SLC38A1: variants seen among roughly 807,000 people sequenced by gnomAD.
The protein encoded by SLC38A1 is solute carrier family 38 member 1, also known as sodium-coupled neutral amino acid symporter 1.
A neutral mutation model predicts 60.3 loss-of-function variants in SLC38A1; 18 were observed. The observed-to-expected ratio is 0.30, with a 90% CI of 0.21 to 0.44. SLC38A1 has a LOEUF of 0.44. Ranked by LOEUF, SLC38A1 falls within the 20% of genes least tolerant of loss-of-function variation. The pLI is 1.00. For synonymous variants in SLC38A1, 196 were observed against 212.1 expected (o/e 0.92, Z 0.66); for missense variants, 448 against 587.2 (o/e 0.76, Z 2.45).
intron 3 of SLC38A1, among the ~76,000 whole-genome samples, chr12:46,235,075 A>AATGGGTG (rs771955705): frequency 1.2e-4 from 19 of 152,340 alleles, no homozygotes; most frequent in Admixed American, 2.6e-4. Context: ...CAAACTCCAC[A>AATGGGTG]ATGGGTGATT....
chr12:46,215,117 C>G (rs1254966353), intron 5 of SLC38A1, among the ~76,000 whole-genome samples: 1 of 152,196 alleles, frequency 6.6e-6, no homozygotes, highest in African/African-American at 2.4e-5. Flanking sequence ...ACTGACCTCC[C>G]TGGAAGCAGC....
chr12:46,239,751 G>T lies in SLC38A1; in HGVS notation c.50C>A (p.Thr17Lys). 6.2e-7 allele frequency: 1 copy of T among 1,613,340 alleles called. No homozygotes were observed. Among genetic ancestry groups the T allele is most frequent in the Non-Finnish European group, 8.5e-7 (1 of 1,179,858 alleles). ...GLELTELQNM[T>K]VPEDDNISND... ...GCTAATGTTATCATCCTCGGGCACT[G>T]TCATGTTTTGCAACTCAGTTAATTC... Residue 17 changes from threonine (T) to lysine (K), a missense_variant, in exon 3 of 17, where the codon ACA (threonine) becomes AAA (lysine). This residue lies in a region of SLC38A1 where 102 missense variants were observed against 89.7 expected (regional missense o/e 1.14). Transcript: ENST00000398637.
At chr12:46,224,086 G>C (rs1940770588) in intron 5 of SLC38A1, among the ~76,000 whole-genome samples, 1 of 152,182 alleles carries the variant, frequency 6.6e-6, no homozygotes, top group Non-Finnish European at 1.5e-5. Flanking sequence ...TTATGGGTAA[G>C]ACTCAGATAA....
intron 1 of SLC38A1, chr12:46,267,254 T>C (rs543879803): frequency 2.8e-4 from 43 of 152,370 alleles, no homozygotes; most frequent in African/African-American, 1.0e-3. Flanking sequence ...CTTTTTTCAC[T>C]TTTGCTACAC....
chr12:46,231,496 T>C (rs1941076009), intron 3 of SLC38A1, among the ~76,000 whole-genome samples: 1 of 152,212 alleles, frequency 6.6e-6, no homozygotes, highest in South Asian at 2.1e-4. Context: ...TAGTAAGATA[T>C]GTTAAGGATG....
chr12:46,238,197 G>A (rs983903487), intron 3 of SLC38A1, among the ~76,000 whole-genome samples: 1 of 148,986 alleles, frequency 6.7e-6, no homozygotes, highest in African/African-American at 2.6e-5. Context: ...TTATTATTAA[G>A]AATTACTCAA....
chr12:46,246,596 G>A (rs1941628048), intron 1 of SLC38A1, among the ~76,000 whole-genome samples: 1 of 152,248 alleles, frequency 6.6e-6, no homozygotes, highest in Non-Finnish European at 1.5e-5. Flanking sequence ...CTGAAGAAAA[G>A]GCAGCAGAAA....
intron 1 of SLC38A1, among the ~76,000 whole-genome samples, chr12:46,262,981 T>C (rs1313764675): frequency 2.6e-5 from 4 of 152,206 alleles, no homozygotes; most frequent in Admixed American, 6.5e-5. Context: ...ACACTATTTC[T>C]TAATGAATCA....
At chr12:46,205,685 A>C (rs1939863890) in intron 9 of SLC38A1, among the ~76,000 whole-genome samples, 1 of 152,210 alleles carries the variant, frequency 6.6e-6, no homozygotes, top group South Asian at 2.1e-4. Context: ...TGTGGGTATA[A>C]ATCTAGGCAG....
Position 46,199,356 on chromosome 12 carries a change from T to C in SLC38A1, c.1004-613A>G, listed in dbSNP as rs940921206. Among the ~76,000 whole-genome samples the C allele has an allele frequency of 7.9e-5, 10 of 125,916 alleles. No homozygotes were observed. In the East Asian group the frequency reaches 2.1e-3, roughly 26 times the overall value. The allele number at this position is 125,916 out of a possible 152,430, so 82.6% of individuals were successfully genotyped here. On this transcript the variant is annotated intron_variant, in intron 13 of 16. Coordinates refer to ENST00000398637, the MANE Select transcript of SLC38A1 (RefSeq NM_030674.4). ...GTGTGTGTGTGTGTGTGTGTGTGTGTGTGTTGAGACAGGGTTTTGCTCTAT... is the reference window on the plus strand; with the variant it reads ...GTGTGTGTGTGTGTGTGTGTGTGTGCGTGTTGAGACAGGGTTTTGCTCTAT...
At chr12:46,231,978 A>T (rs899883867) in intron 3 of SLC38A1, among the ~76,000 whole-genome samples, 3 of 152,222 alleles carry the variant, frequency 2.0e-5, no homozygotes, top group African/African-American at 7.2e-5. Flanking sequence ...AAACATATGT[A>T]TCATTGATGT....
intron 1 of SLC38A1, among the ~76,000 whole-genome samples, chr12:46,258,070 A>G (rs1942087828): frequency 6.6e-6 from 1 of 152,198 alleles, no homozygotes; most frequent in Non-Finnish European, 1.5e-5. Flanking sequence ...TTGCCATGGC[A>G]TTTGTAAGCT....
chr12:46,248,654 C>T (rs1177070195), intron 1 of SLC38A1, among the ~76,000 whole-genome samples: 1 of 152,202 alleles, frequency 6.6e-6, no homozygotes, highest in Non-Finnish European at 1.5e-5. Flanking sequence ...TTGAACTCAT[C>T]TTTGCACCAA....
intron 3 of SLC38A1, among the ~76,000 whole-genome samples, chr12:46,234,050 C>G (rs1478213312): frequency 6.6e-6 from 1 of 152,236 alleles, no homozygotes; most frequent in African/African-American, 2.4e-5. Flanking sequence ...GGTCCTCTTT[C>G]TTCCTCTCAG....
At chr12:46,242,494 G>A (rs973126371) in intron 2 of SLC38A1, among the ~76,000 whole-genome samples, 1 of 152,058 alleles carries the variant, frequency 6.6e-6, no homozygotes, top group African/African-American at 2.4e-5. Flanking sequence ...TACAATGGCT[G>A]GGCATGGTGG....
intron 16 of SLC38A1, chr12:46,195,920 C>T (rs866931830): frequency 1.7e-4 from 69 of 411,128 alleles, no homozygotes; most frequent in East Asian, 3.0e-4. Flanking sequence ...GGTGAGGTGA[C>T]GCCCCACCTT....
rs544032791 is a variant in SLC38A1, at chr12:46,189,212, T to C, written c.1363-141A>G. The C allele has an allele frequency of 3.5e-4, 211 of 594,638 alleles. 2 individuals carry two copies. In the South Asian group the frequency reaches 4.7e-3, roughly 13 times the overall value. The allele number at this position is 594,638 out of a possible 1,614,324, so 36.8% of individuals were successfully genotyped here. A position where few individuals can be genotyped will look rare whatever the true frequency, so the allele number is the denominator to read the frequency against. On this transcript the variant is annotated intron_variant, in intron 16 of 16. Coordinates refer to ENST00000398637, the MANE Select transcript of SLC38A1 (RefSeq NM_030674.4). The stretch of plus-strand genomic sequence containing the variant: ...GTTTGTCACAACCATGGCTGAACTG[T>C]GAGAATCTTTCTAAAATTTTATGAA...
chr12:46,220,269 T>C (rs1940605435), intron 5 of SLC38A1, among the ~76,000 whole-genome samples: 1 of 152,250 alleles, frequency 6.6e-6, no homozygotes, highest in African/African-American at 2.4e-5. Flanking sequence ...CAAGCCTGAA[T>C]GTGCCATTTC....
At chr12:46,234,247 AT>A (rs918521451) in intron 3 of SLC38A1, among the ~76,000 whole-genome samples, 3 of 152,206 alleles carry the variant, frequency 2.0e-5, no homozygotes, top group African/African-American at 7.2e-5. Flanking sequence ...CTAACCACAC[AT>A]TAGCAACTCA....
Sources: allele counts gnomAD v4.1 joint callset (sites outside exome capture counted in the v4.1 genomes callset), GRCh38; gene constraint gnomAD v4.1.1; regional missense constraint gnomAD v4.1.1; transcripts MANE v1.5; gene names NCBI Gene and HGNC (gene_info 2026-07-23, HGNC 2026-07-21).